WASHC2A: variants seen among roughly 807,000 people sequenced by gnomAD.
The protein encoded by WASHC2A is WASH complex subunit FAM21A.
A neutral mutation model predicts 140.3 loss-of-function variants in WASHC2A; 82 were observed. The ratio of observed to expected loss-of-function variants is 0.58; its 90% CI spans 0.49 to 0.70. WASHC2A has a LOEUF of 0.70. WASHC2A is among the 30% of genes least tolerant of loss of function. The pLI is 0.00. For missense variants in WASHC2A, 985 were observed against 1,521.8 expected, an observed-to-expected ratio of 0.65 and a Z score of 5.87; for synonymous variants, 340 against 560.8, an observed-to-expected ratio of 0.61 and a Z score of 5.56.
At chr10:50,131,416 A>T (rs1164323502) in intron 30 of WASHC2A, among the ~76,000 whole-genome samples, 1 of 152,238 alleles carries the variant, frequency 6.6e-6, no homozygotes, top group Non-Finnish European at 1.5e-5. Flanking sequence ...GTGCTAAAGT[A>T]GGCTGAGGGG....
chr10:50,130,698 G>T lies in WASHC2A; in HGVS notation c.3709-203G>T, dbSNP rs559427087. On this transcript the variant is annotated intron_variant, in intron 29 of 30. Coordinates refer to ENST00000282633, the MANE Select transcript of WASHC2A (RefSeq NM_001005751.3). ...CAGGACTGGTAGAGAAGGTGTCACT[G>T]CAGTGCCGGCATTTGAGCCGGGGTG... Among the ~76,000 whole-genome samples, 5 of 152,354 alleles carry T rather than the reference G, an allele frequency of 3.3e-5. No homozygotes were observed. The South Asian group carries it at 1.0e-3, about 32-fold the overall frequency.
chr10:50,121,630 G>A (rs1843029346), intron 23 of WASHC2A, among the ~76,000 whole-genome samples: 1 of 149,900 alleles, frequency 6.7e-6, no homozygotes, highest in Admixed American at 6.6e-5. Flanking sequence ...TTGACCTCAG[G>A]TGATCCACCT....
intron 10 of WASHC2A, 53 bp from the exon 11 acceptor site, chr10:50,092,109 G>T (rs1839988352): frequency 9.2e-7 from 1 of 1,087,714 alleles, no homozygotes; most frequent in Admixed American, 2.1e-5. Flanking sequence ...GAACCAGGAT[G>T]TGTATACTGA....
chr10:50,093,106 C>G (rs1276408245), intron 11 of WASHC2A, among the ~76,000 whole-genome samples, 162 bp from the exon 12 acceptor site: 3 of 102,470 alleles, frequency 2.9e-5, no homozygotes, highest in African/African-American at 9.6e-5. Context: ...GTGGACTGTG[C>G]CAGGGGTTTA....
At chr10:50,094,343 T>A (rs1276973995) in intron 13 of WASHC2A, among the ~76,000 whole-genome samples, 1 of 146,294 alleles carries the variant, frequency 6.8e-6, no homozygotes, top group East Asian at 2.0e-4. Flanking sequence ...GTATTTTTAG[T>A]AGAGACAGGG....
intron 8 of WASHC2A, among the ~76,000 whole-genome samples, chr10:50,090,272 C>T (rs1388491209): frequency 6.1e-5 from 9 of 148,614 alleles, no homozygotes; most frequent in African/African-American, 1.2e-4. Context: ...GAGGCTGAGG[C>T]GGGTGGATCA....
At chr10:50,105,958 G>A (rs1437827786) in intron 18 of WASHC2A, among the ~76,000 whole-genome samples, 1 of 152,074 alleles carries the variant, frequency 6.6e-6, no homozygotes, top group Non-Finnish European at 1.5e-5. Flanking sequence ...AACAGTGTGA[G>A]TTTCTGGCTG....
At chr10:50,070,289 C>A (rs1330573927) in intron 3 of WASHC2A, among the ~76,000 whole-genome samples, 9 of 151,960 alleles carry the variant, frequency 5.9e-5, no homozygotes, top group Non-Finnish European at 1.0e-4. Flanking sequence ...TAGAGCCTCT[C>A]CCTTGGCAAA....
At chr10:50,075,192 AT>A (rs1463167432) in intron 3 of WASHC2A, among the ~76,000 whole-genome samples, 7 of 151,596 alleles carry the variant, frequency 4.6e-5, no homozygotes, top group African/African-American at 1.7e-4. Flanking sequence ...TAATCTTCTA[AT>A]ATTAAATGTT....
intron 3 of WASHC2A, among the ~76,000 whole-genome samples, chr10:50,071,507 G>A (rs1379993187): frequency 3.3e-5 from 5 of 151,938 alleles, no homozygotes; most frequent in Middle Eastern, 6.8e-3. Flanking sequence ...GGGTTTCACC[G>A]AGTTAGCCAG....
At chr10:50,112,874 G>C (rs1842397199) in intron 20 of WASHC2A, among the ~76,000 whole-genome samples, 2 of 148,996 alleles carry the variant, frequency 1.3e-5, no homozygotes, top group South Asian at 4.5e-4. Flanking sequence ...GTAGATTAGT[G>C]GTTGCCAGGG....
intron 8 of WASHC2A, among the ~76,000 whole-genome samples, chr10:50,090,515 A>AAAAAATATAT (rs1214596899): frequency 3.7e-5 from 4 of 108,736 alleles, no homozygotes; most frequent in Admixed American, 1.2e-4. Context: ...AAAAAAAAAA[A>AAAAAATATAT]ATATATATAT....
At chr10:50,128,061 C>T (rs1843599012) in intron 28 of WASHC2A, among the ~76,000 whole-genome samples, 2 of 151,362 alleles carry the variant, frequency 1.3e-5, no homozygotes, top group African/African-American at 2.4e-5. Flanking sequence ...CTGACACCTG[C>T]AGGTTTCCAG....
intron 3 of WASHC2A, among the ~76,000 whole-genome samples, chr10:50,077,599 G>A (rs1346514331): frequency 6.6e-6 from 1 of 152,060 alleles, no homozygotes; most frequent in Non-Finnish European, 1.5e-5. Context: ...CACGGCCACT[G>A]TCTAATGCCA....
At chr10:50,092,898 T>C (rs1396003571) in intron 11 of WASHC2A, among the ~76,000 whole-genome samples, 1 of 151,642 alleles carries the variant, frequency 6.6e-6, no homozygotes, top group African/African-American at 2.4e-5. Flanking sequence ...CCTGTGTCAG[T>C]TTGCAGATCC....
intron 26 of WASHC2A, 179 bp downstream of exon 26, chr10:50,126,358 C>T (rs1246679113): frequency 1.1e-5 from 11 of 1,009,752 alleles, no homozygotes; most frequent in East Asian, 2.5e-5. Context: ...TCGCTCCACA[C>T]GCCAGAGTTT....
chr10:50,099,621 C>T (rs1406204572), intron 16 of WASHC2A, among the ~76,000 whole-genome samples: 3 of 140,418 alleles, frequency 2.1e-5, no homozygotes, highest in African/African-American at 8.4e-5. Flanking sequence ...CTCTTTGTGT[C>T]GTGTCCTGGC....
chr10:50,109,807 T>TC (rs1207985529), intron 19 of WASHC2A, among the ~76,000 whole-genome samples: 7 of 152,168 alleles, frequency 4.6e-5, no homozygotes, highest in African/African-American at 1.7e-4. Context: ...TCTCGCTCTG[T>TC]CCCCCAGGCT....
chr10:50,077,782 CCTGA>C (rs1291664139), intron 3 of WASHC2A, among the ~76,000 whole-genome samples: 5 of 149,976 alleles, frequency 3.3e-5, no homozygotes, highest in South Asian at 2.1e-4. Flanking sequence ...AAGAGTTCCT[CCTGA>C]CTAAGCCCCA....
Sources: allele counts gnomAD v4.1 joint callset (sites outside exome capture counted in the v4.1 genomes callset), GRCh38; gene constraint gnomAD v4.1.1; transcripts MANE v1.5; gene names NCBI Gene and HGNC (gene_info 2026-07-23, HGNC 2026-07-21).